PTPRG: variants seen among roughly 807,000 people sequenced by gnomAD.
PTPRG encodes the protein protein tyrosine phosphatase receptor type G.
Under a neutral mutation model 165.3 loss-of-function variants are expected in PTPRG, and 102 were observed. The ratio of observed to expected loss-of-function variants is 0.62; its 90% CI spans 0.53 to 0.73. The LOEUF is 0.73. Among genes scored for constraint, PTPRG ranks in the 30% least tolerant of loss-of-function variants. The probability of loss-of-function intolerance (pLI) is 0.00; values close to 1 mark genes in which losing one functional copy is unlikely to be tolerated. For synonymous variants in PTPRG, 675 were observed against 669.5 expected, an observed-to-expected ratio of 1.01 and a Z score of -0.13; for missense variants, 1,866 against 1,861.4, an observed-to-expected ratio of 1.00 and a Z score of -0.05.
Position 62,240,340 on chromosome 3 carries a change from A to C in PTPRG, c.2376-3467A>C, listed in dbSNP as rs1483391570. Among the ~76,000 whole-genome samples the C allele has an allele frequency of 1.3e-5, 2 of 152,156 alleles. No individual in the cohort carries two copies. The highest frequency in any genetic ancestry group is 2.9e-5 in the Non-Finnish European group (2 of 68,028). On this transcript the variant is annotated intron_variant, in intron 14 of 29. Transcript: ENST00000474889. This position sits in a 1 kb window ranked among gnomAD's most constrained non-coding sequence, Gnocchi z 5.1. ...ACAGAGCGAGACTCCATCTCAAAAT[A>C]AAATAAAATACATACTCCCCCAATA... is the stretch of plus-strand genomic sequence containing the variant.
At chr3:62,004,381 C>G (rs2041244164) in intron 4 of PTPRG, among the ~76,000 whole-genome samples, 1 of 152,216 alleles carries the variant, frequency 6.6e-6, no homozygotes, top group Non-Finnish European at 1.5e-5. Flanking sequence ...GCTCTTAAAA[C>G]TCCACACTTA....
intron 4 of PTPRG, among the ~76,000 whole-genome samples, chr3:62,071,817 A>G (rs910252844): frequency 3.0e-4 from 45 of 152,230 alleles, no homozygotes; most frequent in Non-Finnish European, 5.9e-5. Context: ...GTAAATCCTT[A>G]GTTTCCTTGC....
intron 6 of PTPRG, among the ~76,000 whole-genome samples, chr3:62,134,325 A>T (rs1576045336): frequency 6.6e-6 from 1 of 152,364 alleles, no homozygotes; most frequent in South Asian, 2.1e-4. Flanking sequence ...AATATATTTC[A>T]TGCCCACGCT....
intron 1 of PTPRG, among the ~76,000 whole-genome samples, chr3:61,614,823 T>G (rs1339825601): frequency 6.6e-6 from 1 of 152,206 alleles, no homozygotes; most frequent in African/African-American, 2.4e-5. Flanking sequence ...CTGTATAGAT[T>G]GTGGCACAGT....
intron 5 of PTPRG, among the ~76,000 whole-genome samples, chr3:62,115,710 T>A (rs920553379): frequency 2.0e-5 from 3 of 151,982 alleles, no homozygotes; most frequent in Non-Finnish European, 4.4e-5. Flanking sequence ...CTAATTTTTG[T>A]ATTTTTTGCA....
chr3:61,914,327 T>G (rs2038877981), intron 2 of PTPRG, among the ~76,000 whole-genome samples: 1 of 152,212 alleles, frequency 6.6e-6, no homozygotes, highest in Non-Finnish European at 1.5e-5. Context: ...TCTTCTACTT[T>G]AAGACCCAGT....
chr3:62,061,954 G>T (rs1468798939), intron 4 of PTPRG, among the ~76,000 whole-genome samples: 1 of 151,790 alleles, frequency 6.6e-6, no homozygotes, highest in African/African-American at 2.4e-5. Context: ...TGATGCCAAG[G>T]TTGCTGCTTT....
intron 28 of PTPRG, among the ~76,000 whole-genome samples, chr3:62,291,346 C>T (rs2148904119): frequency 6.6e-6 from 1 of 152,216 alleles, no homozygotes; most frequent in East Asian, 1.9e-4. Flanking sequence ...AGCCCTTCTA[C>T]TCAGTACCTA....
At chr3:61,929,995 C>CT (rs1421011352) in intron 2 of PTPRG, among the ~76,000 whole-genome samples, 1 of 150,510 alleles carries the variant, frequency 6.6e-6, no homozygotes, top group African/African-American at 2.4e-5. Context: ...GCCCTGGATA[C>CT]TAGGATATTG....
chr3:61,885,524 G>A (rs1437229593), intron 2 of PTPRG, among the ~76,000 whole-genome samples: 1 of 150,492 alleles, frequency 6.6e-6, no homozygotes, highest in African/African-American at 2.4e-5. Context: ...ACCCCAATAT[G>A]TTTACACCAA....
At chr3:62,063,771 G>T (rs1392431603) in intron 4 of PTPRG, among the ~76,000 whole-genome samples, 1 of 152,096 alleles carries the variant, frequency 6.6e-6, no homozygotes, top group African/African-American at 2.4e-5. Context: ...CCAAAATGCT[G>T]GGATTCTAGG....
chr3:61,613,321 C>A (rs1559524423), intron 1 of PTPRG, among the ~76,000 whole-genome samples: 1 of 152,138 alleles, frequency 6.6e-6, no homozygotes, highest in East Asian at 1.9e-4. Context: ...TCTAGCAAAG[C>A]CAGCGTTCCT....
intron 2 of PTPRG, among the ~76,000 whole-genome samples, chr3:61,904,390 G>A (rs1287362007): frequency 6.6e-6 from 1 of 152,200 alleles, no homozygotes; most frequent in Non-Finnish European, 1.5e-5. Flanking sequence ...GTGGTTTCCA[G>A]TGCTGTGTTT....
At chr3:62,246,362 C>T (rs1701289836) in intron 15 of PTPRG, among the ~76,000 whole-genome samples, 1 of 152,200 alleles carries the variant, frequency 6.6e-6, no homozygotes, top group African/African-American at 2.4e-5. Flanking sequence ...AACAAATGAA[C>T]TTACTTCACC....
rs77308021 is a variant in PTPRG at position 62,105,190 on chromosome 3, C to G, written c.615+26932C>G. ...AAACAGTTGTTCATAGATATTTATG[C>G]ATGGAGCTACACAAAGACAAATAAC... On this transcript the variant is annotated intron_variant, in intron 5 of 29. Transcript: ENST00000474889. 1.5e-3 allele frequency among the ~76,000 whole-genome samples: 229 copies of G among 152,232 alleles called. 3 individuals carry two copies. The highest frequency in any genetic ancestry group is 0.012 in the South Asian group (56 of 4,822).
intron 5 of PTPRG, 41 bp from the exon 6 acceptor site, chr3:62,132,561 G>A: frequency 6.8e-7 from 1 of 1,476,948 alleles, no homozygotes; most frequent in South Asian, 1.1e-5. Flanking sequence ...TGTGCCTGAT[G>A]CCAGAATAGA....
intron 1 of PTPRG, among the ~76,000 whole-genome samples, chr3:61,611,312 G>C (rs1372225134): frequency 6.6e-6 from 1 of 152,156 alleles, no homozygotes; most frequent in East Asian, 1.9e-4. Context: ...CCATCCCTCA[G>C]AACCTTGCTG....
intron 2 of PTPRG, among the ~76,000 whole-genome samples, chr3:61,887,206 G>T (rs1206438127): frequency 7.3e-6 from 1 of 136,572 alleles, no homozygotes; most frequent in Non-Finnish European, 1.5e-5. Flanking sequence ...ATTTCAGCCT[G>T]GTAAGACAAT....
chr3:62,068,845 C>T (rs1471688670), intron 4 of PTPRG, among the ~76,000 whole-genome samples: 1 of 152,156 alleles, frequency 6.6e-6, no homozygotes, highest in African/African-American at 2.4e-5. Flanking sequence ...GAAGATAATT[C>T]CCTGTTACAG....
Sources: allele counts gnomAD v4.1 joint callset (sites outside exome capture counted in the v4.1 genomes callset), GRCh38; gene constraint gnomAD v4.1.1; non-coding constraint Gnocchi (gnomAD v3.1); transcripts MANE v1.5; gene names NCBI Gene and HGNC (gene_info 2026-07-23, HGNC 2026-07-21).